Variants in SGCZ observed in about 807,000 individuals in gnomAD.
SGCZ encodes the protein zeta-sarcoglycan.
In SGCZ, 40 loss-of-function variants were observed where a neutral mutation model predicts 41.3. The ratio of observed to expected loss-of-function variants is 0.97; its 90% CI spans 0.75 to 1.26. SGCZ has a LOEUF of 1.26. SGCZ is among the 50% of genes most tolerant of loss of function. SGCZ has a pLI of 0.00. For synonymous variants in SGCZ, 206 were observed against 137.5 expected, an observed-to-expected ratio of 1.50 and a Z score of -3.49; for missense variants, 552 against 369.8, an observed-to-expected ratio of 1.49 and a Z score of -4.04.
At chr8:14,297,332 TA>T (rs1801047947) in intron 3 of SGCZ, among the ~76,000 whole-genome samples, 1 of 151,936 alleles carries the variant, frequency 6.6e-6, no homozygotes, top group Non-Finnish European at 1.5e-5. Flanking sequence ...AAAAGATTAA[TA>T]AACAATGTTT....
At chr8:14,410,462 T>C (rs985415448) in intron 2 of SGCZ, among the ~76,000 whole-genome samples, 4 of 151,754 alleles carry the variant, frequency 2.6e-5, no homozygotes, top group African/African-American at 7.3e-5. Context: ...GTAGAAGTGT[T>C]CTATTTCAAA....
At chr8:14,798,208 C>A (rs1273371730) in intron 1 of SGCZ, among the ~76,000 whole-genome samples, 1 of 152,126 alleles carries the variant, frequency 6.6e-6, no homozygotes, top group Non-Finnish European at 1.5e-5. Flanking sequence ...AACTCCCACC[C>A]AGTTGATATA....
chr8:15,086,180 A>G (rs1235764520), intron 1 of SGCZ, among the ~76,000 whole-genome samples: 2 of 152,214 alleles, frequency 1.3e-5, no homozygotes, highest in Non-Finnish European at 2.9e-5. Flanking sequence ...CAAAATATTA[A>G]AATTCTAGGG....
intron 5 of SGCZ, among the ~76,000 whole-genome samples, chr8:14,127,127 C>T (rs1052820985): frequency 3.3e-5 from 5 of 151,932 alleles, no homozygotes; most frequent in East Asian, 1.9e-4. Flanking sequence ...GAAACCTGCA[C>T]GTTCTGCACA....
At chr8:14,675,000 G>A (rs1187139123) in intron 1 of SGCZ, among the ~76,000 whole-genome samples, 1 of 127,564 alleles carries the variant, frequency 7.8e-6, no homozygotes, top group Non-Finnish European at 1.6e-5. Flanking sequence ...GTACAGTGGC[G>A]TGAACCCAGC....
intron 1 of SGCZ, among the ~76,000 whole-genome samples, chr8:14,835,372 G>A (rs1802662236): frequency 6.6e-6 from 1 of 152,042 alleles, no homozygotes; most frequent in South Asian, 2.1e-4. Context: ...ATGATGACCT[G>A]AATATTTTCT....
chr8:14,623,084 A>G (rs1806336831), intron 1 of SGCZ, among the ~76,000 whole-genome samples: 1 of 152,186 alleles, frequency 6.6e-6, no homozygotes. Context: ...TCATGGGTCT[A>G]ATTAGAAAAC....
chr8:15,144,505 C>A (rs993340202), intron 1 of SGCZ, among the ~76,000 whole-genome samples: 2 of 151,954 alleles, frequency 1.3e-5, no homozygotes, highest in Non-Finnish European at 2.9e-5. Flanking sequence ...CGCTCAGTCA[C>A]CCAGGCTTCA....
At chr8:14,853,945 G>T (rs1803444055) in intron 1 of SGCZ, among the ~76,000 whole-genome samples, 1 of 147,730 alleles carries the variant, frequency 6.8e-6, no homozygotes, top group Non-Finnish European at 1.5e-5. Flanking sequence ...ATCTTTCAAG[G>T]CCTATATCAA....
Position 14,943,387 on chromosome 8 carries a change from A to G in SGCZ, c.39+294198T>C, listed in dbSNP as rs1386830249. Among the ~76,000 whole-genome samples, 3 of 152,182 alleles carry G rather than the reference A, an allele frequency of 2.0e-5. No homozygotes were observed. The East Asian group carries it at 5.8e-4, about 29-fold the overall frequency. On this transcript the variant is annotated intron_variant, in intron 1 of 7. Coordinates refer to ENST00000382080, the MANE Select transcript of SGCZ (RefSeq NM_139167.4). ...GTCAAAAAGGCACTAAGTACCTTGT[A>G]TTCTGAGTGGAGCCACTAACATTTG...
At position 14,504,697 on chromosome 8, in the gene SGCZ, A is replaced by G. The variant is rs185388864; in HGVS notation, c.234+50035T>C. On this transcript the variant is annotated intron_variant, in intron 2 of 7. Transcript: ENST00000382080. ...GTTCACAGATGCCTGACATTCTTCA[A>G]TAGATATCTGTTCAATTAAATACAT... is the stretch of plus-strand genomic sequence containing the variant. Among the ~76,000 whole-genome samples the G allele has an allele frequency of 5.8e-3, 887 of 152,206 alleles. 10 individuals are homozygous for G. The highest frequency in any genetic ancestry group is 0.02 in the South Asian group (97 of 4,824).
At chr8:15,216,105 T>C (rs1425434317) in intron 1 of SGCZ, among the ~76,000 whole-genome samples, 2 of 152,186 alleles carry the variant, frequency 1.3e-5, no homozygotes, top group Admixed American at 1.3e-4. Context: ...CCCATTACTA[T>C]TAACATCTGC....
At chr8:14,373,157 G>C (rs960289726) in intron 2 of SGCZ, among the ~76,000 whole-genome samples, 1 of 152,164 alleles carries the variant, frequency 6.6e-6, no homozygotes, top group African/African-American at 2.4e-5. Context: ...CTAGAGGTTA[G>C]TACTTGCTGA....
intron 3 of SGCZ, among the ~76,000 whole-genome samples, chr8:14,239,994 A>C (rs1371020262): frequency 1.3e-5 from 2 of 150,798 alleles, no homozygotes; most frequent in Admixed American, 1.3e-4. Flanking sequence ...AAGGCAATGG[A>C]TAGTTTACTT....
chr8:14,978,564 C>T (rs1430868890), intron 1 of SGCZ, among the ~76,000 whole-genome samples: 1 of 140,984 alleles, frequency 7.1e-6, no homozygotes, highest in East Asian at 2.3e-4. Context: ...GAGACTTTTG[C>T]TTGATCTTGT....
intron 1 of SGCZ, among the ~76,000 whole-genome samples, chr8:14,733,381 C>G (rs1327393896): frequency 6.6e-6 from 1 of 152,174 alleles, no homozygotes; most frequent in Non-Finnish European, 1.5e-5. Context: ...CCTAGTACAT[C>G]CCCATATGGC....
At chr8:14,826,175 C>T (rs1219039399) in intron 1 of SGCZ, among the ~76,000 whole-genome samples, 4 of 148,586 alleles carry the variant, frequency 2.7e-5, no homozygotes, top group East Asian at 2.1e-4. Context: ...TGAGTGAGAA[C>T]ATGCAGTGTT....
At chr8:15,008,541 A>G (rs1311758131) in intron 1 of SGCZ, among the ~76,000 whole-genome samples, 1 of 59,768 alleles carries the variant, frequency 1.7e-5, no homozygotes, top group Admixed American at 2.5e-4. Flanking sequence ...GGAAGGAAGG[A>G]AGGGAGGGAG....
At chr8:14,739,090 A>G (rs1799128453) in intron 1 of SGCZ, among the ~76,000 whole-genome samples, 1 of 152,008 alleles carries the variant, frequency 6.6e-6, no homozygotes, top group African/African-American at 2.4e-5. Context: ...TAATACCTAT[A>G]TGTTGTTAAT....
Sources: gnomAD v4.1 joint callset for allele counts (sites outside exome capture counted in the v4.1 genomes callset) on GRCh38, gnomAD v4.1.1 for gene constraint, MANE v1.5 for transcripts, NCBI Gene and HGNC (gene_info 2026-07-23, HGNC 2026-07-21) for gene names.